Variants in PCDH17 observed in about 807,000 individuals in gnomAD.
The protein encoded by PCDH17 is protocadherin 17.
Under a neutral mutation model 67.7 loss-of-function variants are expected in PCDH17, and 21 were observed. The observed-to-expected ratio is 0.31, with a 90% CI of 0.22 to 0.45. PCDH17 has a LOEUF of 0.45. Ranked by LOEUF, PCDH17 falls within the 20% of genes least tolerant of loss-of-function variation. PCDH17 has a pLI of 1.00. For synonymous variants in PCDH17, 701 were observed against 656.7 expected, an observed-to-expected ratio of 1.07 and a Z score of -1.03; for missense variants, 1,471 against 1,564.8, an observed-to-expected ratio of 0.94 and a Z score of 1.01.
At chr13:57,630,377 C>T (rs971878711), upstream of PCDH17, among the ~76,000 whole-genome samples, 1 of 148,928 alleles carries the variant, frequency 6.7e-6, no homozygotes, top group Non-Finnish European at 1.5e-5. Context: ...ACCTCCACAA[C>T]AGACTGCACA....
chr13:57,634,061 C>G lies in PCDH17; in HGVS notation c.1515C>G (p.Gly505=). 1 of 1,613,424 alleles carries G rather than the reference C, an allele frequency of 6.2e-7. No individual in the cohort carries two copies. Among genetic ancestry groups the G allele is most frequent in the Middle Eastern group, 1.6e-4 (1 of 6,062 alleles). ...LAQDPDLGQN[G]TVSYSILPSH... ...AGGATCCCGACCTGGGCCAGAACGGCACCGTATCCTACTCTATCCTGCCCT... is the reference window on the plus strand; with the variant it reads ...AGGATCCCGACCTGGGCCAGAACGGGACCGTATCCTACTCTATCCTGCCCT... Residue 505 remains glycine, a synonymous_variant, in exon 1 of 4, where the codon GGC becomes GGG. Coordinates refer to ENST00000377918, the MANE Select transcript of PCDH17 (RefSeq NM_001040429.3). This position sits in a 1 kb window ranked among gnomAD's most constrained non-coding sequence, Gnocchi z 7.8.
intron 3 of PCDH17, among the ~76,000 whole-genome samples, chr13:57,701,063 G>T (rs569044852): frequency 6.6e-6 from 1 of 151,934 alleles, no homozygotes; most frequent in Non-Finnish European, 1.5e-5. Context: ...CATTTTTTGA[G>T]TATCAATAAG....
rs1427051354 is a variant in PCDH17 at position 57,726,224 on chromosome 13, G to C, written c.*930G>C. 1 of 152,592 alleles carries C rather than the reference G, an allele frequency of 6.6e-6. No homozygotes were observed. The highest frequency in any genetic ancestry group is 6.5e-5 in the Admixed American group (1 of 15,270). 9.5% of individuals were successfully genotyped at this position (152,592 alleles called of 1,614,324 possible). Reference sequence around the variant, plus strand: ...GTGGACACTAAAATAGCTCAGGAAAGTGAAAATGTCTTAGACATACGCAAG... The same window carrying C: ...GTGGACACTAAAATAGCTCAGGAAACTGAAAATGTCTTAGACATACGCAAG... On this transcript the variant is annotated 3_prime_UTR_variant, in exon 4 of 4. Transcript: ENST00000377918.
chr13:57,638,177 A>T (rs1954847756), intron 1 of PCDH17, among the ~76,000 whole-genome samples: 1 of 152,100 alleles, frequency 6.6e-6, no homozygotes, highest in African/African-American at 2.4e-5. Flanking sequence ...AGGCAAATAG[A>T]TTGTTATACA....
intron 1 of PCDH17, among the ~76,000 whole-genome samples, chr13:57,636,420 C>T (rs1954823693): frequency 6.6e-6 from 1 of 152,142 alleles, no homozygotes; most frequent in Non-Finnish European, 1.5e-5. Context: ...AGTAATATTT[C>T]ATAATCTTAT....
intron 3 of PCDH17, among the ~76,000 whole-genome samples, chr13:57,689,615 A>G (rs1955538584): frequency 6.6e-6 from 1 of 152,038 alleles, no homozygotes; most frequent in Admixed American, 6.6e-5. Context: ...AATACATTGC[A>G]TATTTTCTCA....
intron 3 of PCDH17, among the ~76,000 whole-genome samples, chr13:57,695,647 T>C (rs1249638525): frequency 1.3e-5 from 2 of 151,300 alleles, no homozygotes; most frequent in Non-Finnish European, 3.0e-5. Context: ...TACATTTTTC[T>C]GAAGAAACAT....
intron 1 of PCDH17, among the ~76,000 whole-genome samples, chr13:57,656,487 A>G (rs542971237): frequency 6.6e-6 from 1 of 152,206 alleles, no homozygotes; most frequent in African/African-American, 2.4e-5. Flanking sequence ...GTCTTTATAT[A>G]CCGAGAATAT....
At chr13:57,662,604 AG>A (rs1283010750) in intron 1 of PCDH17, among the ~76,000 whole-genome samples, 2 of 152,182 alleles carry the variant, frequency 1.3e-5, no homozygotes, top group African/African-American at 4.8e-5. Flanking sequence ...AGTCTCAGCT[AG>A]CATGACTCAG....
At chr13:57,707,337 G>A (rs1220629392) in intron 3 of PCDH17, among the ~76,000 whole-genome samples, 3 of 34,308 alleles carry the variant, frequency 8.7e-5, no homozygotes, top group African/African-American at 6.1e-4. Context: ...ATATGACCGT[G>A]TGTGTGTGTG....
At chr13:57,718,266 C>T (rs1955840326) in intron 3 of PCDH17, among the ~76,000 whole-genome samples, 1 of 151,816 alleles carries the variant, frequency 6.6e-6, no homozygotes, top group Non-Finnish European at 1.5e-5. Context: ...TAAAATAAAA[C>T]TTGGAAGTAG....
chr13:57,719,525 G>T (rs370946975), intron 3 of PCDH17, among the ~76,000 whole-genome samples: 1 of 152,014 alleles, frequency 6.6e-6, no homozygotes, highest in East Asian at 1.9e-4. Flanking sequence ...TACGTTTTCA[G>T]GTGTACAAAT....
intron 1 of PCDH17, among the ~76,000 whole-genome samples, chr13:57,643,407 T>C (rs1954927363): frequency 6.6e-6 from 1 of 151,688 alleles, no homozygotes; most frequent in African/African-American, 2.4e-5. Context: ...ATACATTTTA[T>C]ATAAATTATT....
intron 3 of PCDH17, among the ~76,000 whole-genome samples, chr13:57,672,795 C>A (rs563419983): frequency 5.3e-5 from 8 of 152,090 alleles, no homozygotes; most frequent in East Asian, 2.0e-4. Flanking sequence ...TTTTCCCAGA[C>A]CTTCCCATAA....
intron 3 of PCDH17, among the ~76,000 whole-genome samples, chr13:57,712,196 C>T (rs1955782930): frequency 6.6e-6 from 1 of 151,486 alleles, no homozygotes; most frequent in Non-Finnish European, 1.5e-5. Flanking sequence ...ATGGGTAGAC[C>T]TTGGATTTTA....
In PCDH17 at chr13:57,632,388, A is replaced by T; in HGVS notation, c.-159A>T. The T allele has an allele frequency of 1.5e-6, 1 of 673,644 alleles. No homozygotes were observed. The allele number at this position is 673,644 out of a possible 1,614,324, so 41.7% of individuals were successfully genotyped here. A position where few individuals can be genotyped will look rare whatever the true frequency, so the allele number is the denominator to read the frequency against. ...GGGAACTTGAGCAGAATAAGGAGAG[A>T]CCACCGGGTGCCGCAGCTCGGGTGC... is the stretch of plus-strand genomic sequence containing the variant. On this transcript the variant is annotated 5_prime_UTR_variant, in exon 1 of 4. Transcript: ENST00000377918.
intron 3 of PCDH17, among the ~76,000 whole-genome samples, chr13:57,682,825 TC>T (rs1420353154): frequency 6.6e-6 from 1 of 151,808 alleles, no homozygotes; most frequent in Admixed American, 6.6e-5. Flanking sequence ...AGGATCTTGA[TC>T]CGGTAAATGA....
At chr13:57,717,511 T>A (rs1431073119) in intron 3 of PCDH17, among the ~76,000 whole-genome samples, 1 of 151,958 alleles carries the variant, frequency 6.6e-6, no homozygotes. Context: ...TCCCTGAAGG[T>A]GTGCAGGTGC....
chr13:57,709,269 G>A (rs758916339), intron 3 of PCDH17, among the ~76,000 whole-genome samples: 4 of 151,630 alleles, frequency 2.6e-5, no homozygotes, highest in African/African-American at 4.8e-5. Context: ...TAAAACCTTG[G>A]TAACTAGGGA....
Sources: gnomAD v4.1 joint callset for allele counts (sites outside exome capture counted in the v4.1 genomes callset) on GRCh38, gnomAD v4.1.1 for gene constraint, Gnocchi (gnomAD v3.1) non-coding constraint, MANE v1.5 for transcripts, NCBI Gene and HGNC (gene_info 2026-07-23, HGNC 2026-07-21) for gene names.